Variants in SOX6 observed in about 807,000 individuals in gnomAD.
The protein encoded by SOX6 is transcription factor SOX-6.
A neutral mutation model predicts 97.8 loss-of-function variants in SOX6; 11 were observed. The observed-to-expected ratio is 0.11, with a 90% CI of 0.07 to 0.19. The LOEUF (loss-of-function observed/expected upper bound fraction) is 0.19. Ranked by LOEUF, SOX6 falls within the 10% of genes least tolerant of loss-of-function variation. The pLI is 1.00. For synonymous variants in SOX6, 360 were observed against 371.4 expected (o/e 0.97, Z 0.35); for missense variants, 810 against 1,039.5 (o/e 0.78, Z 3.04).
At chr11:16,600,145 G>C (rs183687519) in intron 4 of SOX6, among the ~76,000 whole-genome samples, 1 of 152,212 alleles carries the variant, frequency 6.6e-6, no homozygotes, top group East Asian at 1.9e-4. Flanking sequence ...GCAATGCTCT[G>C]CTTAAGTGCT....
chr11:16,653,696 C>T lies in SOX6; in HGVS notation n.430-41436G>A, dbSNP rs1377757633. On this transcript the variant is annotated intron_variant and non_coding_transcript_variant, in intron 3 of 5. Transcript: ENST00000524520. Reference sequence around the variant, plus strand: ...GTACACTGCTTGGGTGATGGGTGCACCAAAATCTCAGAAATTACCAGTAAG... The same window carrying T: ...GTACACTGCTTGGGTGATGGGTGCATCAAAATCTCAGAAATTACCAGTAAG... Among the ~76,000 whole-genome samples the T allele has an allele frequency of 4.0e-5, 6 of 151,838 alleles. No individual in the cohort carries two copies. The East Asian group carries it at 9.6e-4, about 24-fold the overall frequency.
rs528283997 is a variant in SOX6, at chr11:16,136,882, A to G, written c.778-24959T>C. 1.8e-4 allele frequency among the ~76,000 whole-genome samples: 27 copies of G among 152,254 alleles called. No individual in the cohort carries two copies. The South Asian group carries it at 5.6e-3, about 32-fold the overall frequency. Reference sequence around the variant, plus strand: ...AGTATATAGTCTCTCCAGACCATAAACCAATTTTCATCAACATGTATTTGT... The same window carrying G: ...AGTATATAGTCTCTCCAGACCATAAGCCAATTTTCATCAACATGTATTTGT... On this transcript the variant is annotated intron_variant, in intron 6 of 15. Coordinates refer to ENST00000683767, the MANE Select transcript of SOX6 (RefSeq NM_001367873.1).
At chr11:16,033,252 C>T (rs916205423) in intron 12 of SOX6, among the ~76,000 whole-genome samples, 1 of 152,200 alleles carries the variant, frequency 6.6e-6, no homozygotes, top group Non-Finnish European at 1.5e-5. Context: ...CCTTACTTCA[C>T]ATATATTATC....
At chr11:16,369,440 T>C (rs900316095) in intron 1 of SOX6, among the ~76,000 whole-genome samples, 2 of 152,204 alleles carry the variant, frequency 1.3e-5, no homozygotes, top group Non-Finnish European at 2.9e-5. Flanking sequence ...GTCTGTTCCA[T>C]GAGAACTGAA....
intron 1 of SOX6, among the ~76,000 whole-genome samples, chr11:16,394,997 A>C (rs1858305784): frequency 6.6e-6 from 1 of 151,870 alleles, no homozygotes; most frequent in African/African-American, 2.4e-5. Flanking sequence ...CGCCATCCGC[A>C]CCCCAATCTT....
intron 4 of SOX6, among the ~76,000 whole-genome samples, chr11:16,505,715 G>T (rs574576243): frequency 9.3e-4 from 142 of 152,280 alleles, no homozygotes; most frequent in African/African-American, 3.4e-3. Flanking sequence ...GGTTCTGTGA[G>T]CCATACTCAG....
At chr11:16,035,893 G>A (rs1218252582) in intron 12 of SOX6, among the ~76,000 whole-genome samples, 3 of 152,066 alleles carry the variant, frequency 2.0e-5, no homozygotes, top group South Asian at 2.1e-4. Context: ...TCTTAGGACC[G>A]TGAACATTAG....
chr11:16,590,439 T>G (rs564677440), intron 4 of SOX6, among the ~76,000 whole-genome samples: 1,650 of 152,174 alleles, frequency 0.011, 22 homozygotes, highest in African/African-American at 0.038. Flanking sequence ...AGGGATAAGA[T>G]TACAGAGATA....
chr11:15,981,069 A>G (rs1202687945), intron 15 of SOX6, among the ~76,000 whole-genome samples: 1 of 152,110 alleles, frequency 6.6e-6, no homozygotes, highest in Admixed American at 6.6e-5. Flanking sequence ...AATGAACAAA[A>G]TAAGAAATCC....
chr11:16,302,138 T>C lies in SOX6; in HGVS notation c.445+16308A>G, dbSNP rs532331585. ...ACCTGCCTGGACCATTAAAATAGCC[T>C]GCTACCAGATTCCCCTGTATTTGCC... On this transcript the variant is annotated intron_variant, in intron 3 of 15. Coordinates refer to ENST00000683767, the MANE Select transcript of SOX6 (RefSeq NM_001367873.1). Among the ~76,000 whole-genome samples the C allele has an allele frequency of 4.6e-5, 7 of 152,294 alleles. 1 individual carries two copies. Among genetic ancestry groups the C allele is most frequent in the African/African-American group, 1.4e-4 (6 of 41,560 alleles).
At position 16,449,277 on chromosome 11, in the gene SOX6, C is replaced by CTTTTTTTT. The variant is rs10611823; in HGVS notation, c.-5+27030_-5+27037dup. On this transcript the variant is annotated intron_variant, in intron 1 of 15. Coordinates refer to the SOX6 transcript ENST00000396356. Reference sequence around the variant, plus strand: ...AGTGTAAAATTATAAAATGCTCCTTCTTTTTTTTTTTTTTTTTTTTTTTTT... The same window carrying CTTTTTTTT: ...AGTGTAAAATTATAAAATGCTCCTTCTTTTTTTTTTTTTTTTTTTTTTTTTTTTTTTTT... Among the ~76,000 whole-genome samples, 203 of 62,948 alleles carry CTTTTTTTT rather than the reference C, an allele frequency of 3.2e-3. 35 individuals are homozygous for CTTTTTTTT. The highest frequency in any genetic ancestry group is 0.011 in the African/African-American group (158 of 13,966). The allele number at this position is 62,948 out of a possible 152,430, so 41.3% of individuals were successfully genotyped here.
At chr11:16,483,633 C>A (rs1860383000) in intron 4 of SOX6, among the ~76,000 whole-genome samples, 1 of 152,036 alleles carries the variant, frequency 6.6e-6, no homozygotes. Flanking sequence ...AGTTTGCTGT[C>A]CCACTGCTGA....
At chr11:16,384,896 A>C (rs1003906145) in intron 1 of SOX6, among the ~76,000 whole-genome samples, 2 of 152,094 alleles carry the variant, frequency 1.3e-5, no homozygotes, top group Non-Finnish European at 2.9e-5. Flanking sequence ...TACAATTAAT[A>C]GAGAAAATGC....
chr11:16,370,244 G>C (rs907150726), intron 1 of SOX6, among the ~76,000 whole-genome samples: 1 of 152,006 alleles, frequency 6.6e-6, no homozygotes, highest in African/African-American at 2.4e-5. Flanking sequence ...ATTAATATCT[G>C]GGTTACCTCA....
intron 9 of SOX6, among the ~76,000 whole-genome samples, chr11:16,082,124 A>AT (rs1452469694): frequency 3.3e-5 from 5 of 152,150 alleles, no homozygotes; most frequent in African/African-American, 1.2e-4. Flanking sequence ...CTTTTTTCCC[A>AT]TCTTTTTAGA....
intron 3 of SOX6, among the ~76,000 whole-genome samples, chr11:16,640,608 G>A (rs909087835): frequency 6.6e-6 from 1 of 152,182 alleles, no homozygotes; most frequent in Admixed American, 6.5e-5. Context: ...GGTCTAGTCA[G>A]AGATTCAACT....
At chr11:16,087,993 G>A (rs1019595327) in intron 9 of SOX6, among the ~76,000 whole-genome samples, 1 of 150,846 alleles carries the variant, frequency 6.6e-6, no homozygotes, top group African/African-American at 2.4e-5. Context: ...GTGGGACAGG[G>A]TGGGGGGTGG....
chr11:16,419,231 T>C (rs1449286270), intron 1 of SOX6, among the ~76,000 whole-genome samples: 1 of 152,214 alleles, frequency 6.6e-6, no homozygotes, highest in Non-Finnish European at 1.5e-5. Flanking sequence ...GATTATCAAA[T>C]TTATGGTGTG....
intron 1 of SOX6, among the ~76,000 whole-genome samples, chr11:16,394,042 A>G (rs1438263967): frequency 6.6e-6 from 1 of 152,008 alleles, no homozygotes; most frequent in Non-Finnish European, 1.5e-5. Context: ...CTGTGAAACA[A>G]AGATAATAAT....
Sources: gnomAD v4.1 joint callset for allele counts (sites outside exome capture counted in the v4.1 genomes callset) on GRCh38, gnomAD v4.1.1 for gene constraint, MANE v1.5 for transcripts, NCBI Gene and HGNC (gene_info 2026-07-23, HGNC 2026-07-21) for gene names.